The following HS6ST3 variants were observed in gnomAD, a reference collection of about 807,000 sequenced individuals.
The protein encoded by HS6ST3 is heparan sulfate 6-O-sulfotransferase 3, also known as heparan-sulfate 6-O-sulfotransferase 3.
In HS6ST3, 12 loss-of-function variants were observed where a neutral mutation model predicts 36.7. That is an observed-to-expected ratio of 0.33 (90% CI 0.21 to 0.53). The LOEUF is 0.53. Ranked by LOEUF, HS6ST3 falls within the 20% of genes least tolerant of loss-of-function variation. HS6ST3 has a pLI of 0.95. For synonymous variants in HS6ST3, 240 were observed against 257.5 expected (o/e 0.93, Z 0.65); for missense variants, 584 against 640.9 (o/e 0.91, Z 0.96).
At chr13:96,641,353 G>C (rs1419517356) in intron 1 of HS6ST3, among the ~76,000 whole-genome samples, 3 of 147,054 alleles carry the variant, frequency 2.0e-5, no homozygotes, top group Non-Finnish European at 3.0e-5. Flanking sequence ...ACTGATCTTT[G>C]GACATTGATT....
At chr13:96,207,665 C>A (rs549068736) in intron 1 of HS6ST3, among the ~76,000 whole-genome samples, 7 of 152,092 alleles carry the variant, frequency 4.6e-5, no homozygotes, top group Non-Finnish European at 8.8e-5. Flanking sequence ...GGAATGAGAC[C>A]ATGTCTTTTG....
At chr13:96,431,466 G>A (rs7993600) in intron 1 of HS6ST3, among the ~76,000 whole-genome samples, 15 of 151,870 alleles carry the variant, frequency 9.9e-5, no homozygotes, top group Admixed American at 4.6e-4. Context: ...CCCAAGGCCC[G>A]TTACTAAACC....
At chr13:96,502,475 C>A (rs1201549177) in intron 1 of HS6ST3, among the ~76,000 whole-genome samples, 1 of 151,336 alleles carries the variant, frequency 6.6e-6, no homozygotes, top group African/African-American at 2.4e-5. Flanking sequence ...CACAAGTGAG[C>A]TTTTCTGCTA....
intron 1 of HS6ST3, among the ~76,000 whole-genome samples, chr13:96,419,405 A>G (rs1196958614): frequency 6.6e-6 from 1 of 152,222 alleles, no homozygotes; most frequent in African/African-American, 2.4e-5. Flanking sequence ...GAGCCTAGAC[A>G]GAGAAAAGAT....
chr13:96,741,976 A>G (rs1876450622), intron 1 of HS6ST3, among the ~76,000 whole-genome samples: 1 of 152,144 alleles, frequency 6.6e-6, no homozygotes, highest in African/African-American at 2.4e-5. Flanking sequence ...TTGGTTTCCC[A>G]AGGTTAACAA....
At chr13:96,734,467 A>G (rs141793252) in intron 1 of HS6ST3, among the ~76,000 whole-genome samples, 1 of 152,348 alleles carries the variant, frequency 6.6e-6, no homozygotes, top group Admixed American at 6.5e-5. Flanking sequence ...GTTCTTATAG[A>G]TTAAAGTAAC....
rs143619130 is a variant in HS6ST3 at position 96,130,967 on chromosome 13, C to T, written c.707+39398C>T. Among the ~76,000 whole-genome samples the T allele has an allele frequency of 2.1e-3, 313 of 152,252 alleles. 1 individual carries two copies. Among genetic ancestry groups the T allele is most frequent in the African/African-American group, 7.3e-3 (303 of 41,540 alleles). On this transcript the variant is annotated intron_variant, in intron 1 of 1. Transcript: ENST00000376705. ...ACCCTCTGCTGGCCCTGCAGCCCTG[C>T]TCAGCTACCTGCATTCTTAACGCTG...
intron 1 of HS6ST3, among the ~76,000 whole-genome samples, chr13:96,809,879 G>A (rs1481210068): frequency 1.3e-5 from 2 of 152,202 alleles, no homozygotes; most frequent in Non-Finnish European, 2.9e-5. Flanking sequence ...GGCTTATGGG[G>A]CTCACATGAG....
chr13:96,765,314 T>C (rs182416089), intron 1 of HS6ST3, among the ~76,000 whole-genome samples: 20,228 of 151,666 alleles, frequency 0.13, 1,747 homozygotes, highest in Non-Finnish European at 0.19. Flanking sequence ...CCTCCTGATC[T>C]GCCCTCCTTG....
rs71213623 is a variant in HS6ST3 at position 96,658,268 on chromosome 13, CTTTTTTTTTTT to C, written c.708-174202_708-174192del. Among the ~76,000 whole-genome samples the C allele has an allele frequency of 4.1e-3, 309 of 76,160 alleles. 1 individual carries two copies. Among genetic ancestry groups the C allele is most frequent in the African/African-American group, 9.4e-3 (173 of 18,502 alleles). The allele number at this position is 76,160 out of a possible 152,430, so 50.0% of individuals were successfully genotyped here. On this transcript the variant is annotated intron_variant, in intron 1 of 1. Coordinates refer to ENST00000376705, the MANE Select transcript of HS6ST3 (RefSeq NM_153456.4). ...TTCTTCTTCTTCTTCTCTTCTTCTT[CTTTTTTTTTTT>C]TTTTTTTTTTTTTTTTTTTGAGATG...
intron 1 of HS6ST3, among the ~76,000 whole-genome samples, chr13:96,769,252 G>A (rs1414794805): frequency 6.6e-6 from 1 of 152,134 alleles, no homozygotes; most frequent in East Asian, 1.9e-4. Context: ...GGGAGAGTTA[G>A]AGAGCCATTA....
chr13:96,712,781 C>CA (rs1294920054), intron 1 of HS6ST3, among the ~76,000 whole-genome samples: 3 of 152,202 alleles, frequency 2.0e-5, no homozygotes, highest in Non-Finnish European at 2.9e-5. Flanking sequence ...CCTCCCTACA[C>CA]ACCCAGTTCA....
At chr13:96,351,561 C>T (rs2055184600) in intron 1 of HS6ST3, among the ~76,000 whole-genome samples, 1 of 152,110 alleles carries the variant, frequency 6.6e-6, no homozygotes, top group African/African-American at 2.4e-5. Context: ...ATCTGCCGAC[C>T]TTAACCTCCC....
intron 1 of HS6ST3, among the ~76,000 whole-genome samples, chr13:96,463,880 C>A (rs1399006265): frequency 6.6e-6 from 1 of 151,852 alleles, no homozygotes; most frequent in Non-Finnish European, 1.5e-5. Context: ...ATACCTTTAC[C>A]ACCCAGTAAA....
At chr13:96,607,763 G>A (rs78004269) in intron 1 of HS6ST3, among the ~76,000 whole-genome samples, 143 of 152,288 alleles carry the variant, frequency 9.4e-4, no homozygotes, top group African/African-American at 3.0e-3. Context: ...GTATCATCCC[G>A]TGTCCTTGAG....
At chr13:96,646,462 A>G (rs2056588865) in intron 1 of HS6ST3, among the ~76,000 whole-genome samples, 1 of 152,164 alleles carries the variant, frequency 6.6e-6, no homozygotes, top group Admixed American at 6.6e-5. Flanking sequence ...ACACCAGGAT[A>G]TAATTACTAT....
At chr13:96,712,864 G>C (rs1181530300) in intron 1 of HS6ST3, among the ~76,000 whole-genome samples, 1 of 152,148 alleles carries the variant, frequency 6.6e-6, no homozygotes, top group African/African-American at 2.4e-5. Flanking sequence ...TGGTTCTAAA[G>C]GGAGAAAAGA....
intron 1 of HS6ST3, among the ~76,000 whole-genome samples, chr13:96,497,570 G>A (rs1232246667): frequency 6.6e-6 from 1 of 152,050 alleles, no homozygotes; most frequent in Non-Finnish European, 1.5e-5. Flanking sequence ...TCCTCCCCCA[G>A]CCCCTTTGCT....
At chr13:96,397,337 T>C (rs916342225) in intron 1 of HS6ST3, among the ~76,000 whole-genome samples, 1 of 152,256 alleles carries the variant, frequency 6.6e-6, no homozygotes, top group African/African-American at 2.4e-5. Context: ...GTAATGTTAT[T>C]ACTATATTAT....
Sources: gnomAD v4.1 joint callset for allele counts (sites outside exome capture counted in the v4.1 genomes callset) on GRCh38, gnomAD v4.1.1 for gene constraint, MANE v1.5 for transcripts, NCBI Gene and HGNC (gene_info 2026-07-23, HGNC 2026-07-21) for gene names.